Variants in ACYP2 observed in about 807,000 individuals in gnomAD.
ACYP2 encodes acylphosphatase 2.
A neutral mutation model predicts 11.2 loss-of-function variants in ACYP2; 12 were observed. The observed-to-expected ratio is 1.08, with a 90% CI of 0.69 to 1.74. The LOEUF (loss-of-function observed/expected upper bound fraction) is 1.74. Ranked by LOEUF, ACYP2 falls within the 40% of genes most tolerant of loss-of-function variation. The pLI is 0.00. For synonymous variants in ACYP2, 43 were observed against 32.2 expected, an observed-to-expected ratio of 1.33 and a Z score of -1.13; for missense variants, 134 against 101.9, an observed-to-expected ratio of 1.31 and a Z score of -1.35.
intron 5 of ACYP2, among the ~76,000 whole-genome samples, chr2:54,138,354 A>G (rs1267745162): frequency 6.6e-6 from 1 of 152,202 alleles, no homozygotes; most frequent in African/African-American, 2.4e-5. Flanking sequence ...ATCCAAAAAC[A>G]CATCATAGGA....
intron 1 of ACYP2, among the ~76,000 whole-genome samples, chr2:53,971,526 TGA>T (rs2104500694): frequency 6.6e-6 from 1 of 152,356 alleles, no homozygotes; most frequent in Admixed American, 6.5e-5. Flanking sequence ...AGTTACTCGC[TGA>T]ACAAATGCTA....
chr2:54,255,906 T>G, intron 6 of ACYP2: 1 of 1,614,000 alleles, frequency 6.2e-7, no homozygotes, highest in Non-Finnish European at 8.5e-7. Context: ...CTTTGATGGC[T>G]CCATGACTGC....
At chr2:54,052,805 G>A (rs1675937276) in intron 3 of ACYP2, among the ~76,000 whole-genome samples, 2 of 152,206 alleles carry the variant, frequency 1.3e-5, no homozygotes, top group Admixed American at 1.3e-4. Flanking sequence ...GAAGTTGATG[G>A]AAGTAGGTGG....
At chr2:54,075,519 G>GAAAGA (rs1553366366) in intron 4 of ACYP2, among the ~76,000 whole-genome samples, 7 of 102,054 alleles carry the variant, frequency 6.9e-5, no homozygotes, top group African/African-American at 1.9e-4. Context: ...AAAAAAGAAA[G>GAAAGA]AAAAAAAAAA....
At chr2:53,994,329 C>CAAAAAAAAAAAAA (rs374302355) in intron 2 of ACYP2, among the ~76,000 whole-genome samples, 2 of 42,890 alleles carry the variant, frequency 4.7e-5, no homozygotes, top group African/African-American at 9.3e-5. Flanking sequence ...GACTCCGTCT[C>CAAAAAAAAAAAAA]AAAAAAAAAA....
intron 2 of ACYP2, among the ~76,000 whole-genome samples, chr2:54,024,873 A>C (rs1674195234): frequency 6.6e-6 from 1 of 152,226 alleles, no homozygotes; most frequent in South Asian, 2.1e-4. Flanking sequence ...AGAACTGATA[A>C]GTGAATTCAG....
chr2:54,190,968 T>C (rs773766008), intron 6 of ACYP2, among the ~76,000 whole-genome samples: 3 of 152,174 alleles, frequency 2.0e-5, no homozygotes, highest in Non-Finnish European at 2.9e-5. Flanking sequence ...GAATTTTGTT[T>C]CTTTCTCTTC....
intron 1 of ACYP2, among the ~76,000 whole-genome samples, chr2:53,973,190 A>G (rs1158068013): frequency 3.9e-5 from 6 of 152,242 alleles, no homozygotes; most frequent in Non-Finnish European, 8.8e-5. Flanking sequence ...TAGTTTATTG[A>G]TAAAGCGCAT....
chr2:54,040,732 A>G (rs552517676), intron 2 of ACYP2, among the ~76,000 whole-genome samples: 59 of 152,342 alleles, frequency 3.9e-4, no homozygotes, highest in African/African-American at 1.4e-3. Flanking sequence ...GCTGTTGGAT[A>G]TAGCAACAGG....
intron 6 of ACYP2, among the ~76,000 whole-genome samples, chr2:54,280,657 A>G (rs905371962): frequency 6.6e-6 from 1 of 152,188 alleles, no homozygotes; most frequent in African/African-American, 2.4e-5. Context: ...GTCAAGTAAG[A>G]TGGCAAAACA....
chr2:54,032,564 C>T (rs1469706002), intron 2 of ACYP2, among the ~76,000 whole-genome samples: 2 of 152,182 alleles, frequency 1.3e-5, no homozygotes, highest in African/African-American at 4.8e-5. Context: ...TAGCCTGATG[C>T]CTCCAGCTTT....
chr2:54,132,070 C>T (rs369715628), intron 4 of ACYP2, among the ~76,000 whole-genome samples: 4 of 152,174 alleles, frequency 2.6e-5, no homozygotes, highest in African/African-American at 9.7e-5. Context: ...GGTTGAGGAA[C>T]TCAGAGGGGA....
intron 6 of ACYP2, among the ~76,000 whole-genome samples, chr2:54,198,183 C>A (rs1684596047): frequency 6.6e-6 from 1 of 152,034 alleles, no homozygotes; most frequent in African/African-American, 2.4e-5. Flanking sequence ...CTGCACATGG[C>A]TAATTTTTTA....
chr2:54,217,140 G>A (rs1459564430), intron 6 of ACYP2, among the ~76,000 whole-genome samples: 1 of 152,022 alleles, frequency 6.6e-6, no homozygotes. Context: ...CTAGAAAAGT[G>A]CTGAAAAACT....
At chr2:53,978,635 C>T (rs567563099) in intron 2 of ACYP2, among the ~76,000 whole-genome samples, 2 of 152,296 alleles carry the variant, frequency 1.3e-5, no homozygotes, top group Admixed American at 1.3e-4. Flanking sequence ...CCTGTAATTC[C>T]AGCACTTTGA....
chr2:54,004,235 C>T (rs962643415), intron 2 of ACYP2, among the ~76,000 whole-genome samples: 19 of 152,024 alleles, frequency 1.2e-4, no homozygotes, highest in African/African-American at 4.6e-4. Context: ...GATCCGCCCA[C>T]CTCGGCCTCC....
chr2:54,170,987 G>C (rs893186917), intron 6 of ACYP2, among the ~76,000 whole-genome samples: 5 of 152,130 alleles, frequency 3.3e-5, no homozygotes, highest in African/African-American at 1.2e-4. Flanking sequence ...ATTTACTGGA[G>C]TGGCTGGTTG....
intron 6 of ACYP2, among the ~76,000 whole-genome samples, chr2:54,157,349 C>G (rs1013795221): frequency 2.0e-5 from 3 of 152,144 alleles, no homozygotes; most frequent in Non-Finnish European, 4.4e-5. Flanking sequence ...AAAAAAATTT[C>G]ACTGTATTGT....
At chr2:54,170,565 G>GTT (rs56896817) in intron 6 of ACYP2, among the ~76,000 whole-genome samples, 2 of 128,556 alleles carry the variant, frequency 1.6e-5, no homozygotes, top group Admixed American at 7.6e-5. Flanking sequence ...TCTTAAAACA[G>GTT]TTTTTTTTTT....
Sources: allele counts gnomAD v4.1 joint callset (sites outside exome capture counted in the v4.1 genomes callset), GRCh38; gene constraint gnomAD v4.1.1; transcripts MANE v1.5; gene names NCBI Gene and HGNC (gene_info 2026-07-23, HGNC 2026-07-21).